The following TRPA1 variants were observed in gnomAD, a reference collection of about 807,000 sequenced individuals.
TRPA1 encodes ankyrin-like with transmembrane domains 1.
A neutral mutation model predicts 131.3 loss-of-function variants in TRPA1; 129 were observed. That is an observed-to-expected ratio of 0.98 (90% CI 0.85 to 1.14). The LOEUF (loss-of-function observed/expected upper bound fraction) is 1.14, where lower values mean the gene tolerates loss of function less well. Ranked by LOEUF, TRPA1 falls within the 50% of genes most tolerant of loss-of-function variation. The pLI is 0.00. For synonymous variants in TRPA1, 441 were observed against 451.7 expected (o/e 0.98, Z 0.30); for missense variants, 1,304 against 1,354.2 (o/e 0.96, Z 0.58).
intron 4 of TRPA1, among the ~76,000 whole-genome samples, chr8:72,064,350 T>G (rs2129436283): frequency 6.6e-6 from 1 of 151,656 alleles, no homozygotes; most frequent in East Asian, 1.9e-4. Flanking sequence ...GTAAAAGCTT[T>G]TTTGAACAAT....
In TRPA1 at chr8:72,057,674, T is replaced by C. The variant is rs368265836; in HGVS notation, c.1093+43A>G. ...CACAGTGAATGTTCATCCAACCAAA[T>C]TGAGTGGCACTTCAAAAGACTTGGC... is the stretch of plus-strand genomic sequence containing the variant. On this transcript the variant is annotated intron_variant, in intron 9 of 26. Coordinates refer to ENST00000262209, the MANE Select transcript of TRPA1 (RefSeq NM_007332.3). The C allele has an allele frequency of 3.9e-5, 57 of 1,450,634 alleles. 1 individual carries two copies. Among genetic ancestry groups the C allele is most frequent in the South Asian group, 6.9e-5 (6 of 87,586 alleles). 89.9% of individuals were successfully genotyped at this position (1,450,634 alleles called of 1,614,324 possible). A position where few individuals can be genotyped will look rare whatever the true frequency, so the allele number is the denominator to read the frequency against.
At chr8:72,053,410 A>G (rs1489518731) in intron 13 of TRPA1, 5 of 353,104 alleles carry the variant, frequency 1.4e-5, no homozygotes, top group African/African-American at 8.4e-5. Context: ...TTTCAAATCA[A>G]TACACTTCAA....
intron 1 of TRPA1, among the ~76,000 whole-genome samples, chr8:72,073,684 G>T (rs532468153): frequency 1.2e-4 from 19 of 152,298 alleles, no homozygotes; most frequent in Admixed American, 8.5e-4. Context: ...TTAGAAACAC[G>T]AAGACAAATA....
At chr8:72,063,597 T>C in intron 4 of TRPA1, 26 bp from the exon 5 acceptor site, 5 of 1,548,314 alleles carry the variant, frequency 3.2e-6, no homozygotes, top group Non-Finnish European at 4.5e-6. Context: ...AAATGAAAAA[T>C]GACACCAGTT....
rs1455250855 is a variant in TRPA1, at chr8:72,026,074, C to G, written c.2938-1G>C. 6.2e-7 allele frequency: 1 copy of G among 1,612,266 alleles called. No individual in the cohort carries two copies. The highest frequency in any genetic ancestry group is 1.3e-5 in the African/African-American group (1 of 74,878). On this transcript the variant is annotated splice_acceptor_variant, in intron 24 of 26. Coordinates refer to ENST00000262209, the MANE Select transcript of TRPA1 (RefSeq NM_007332.3). LOFTEE classifies it high-confidence loss of function. ...TCTCTAAGCTGGTATGAAGTTCCAC[C>G]TAAAGTGCATTTTGGATTTATTGAT...
the TRPA1 span, among the ~76,000 whole-genome samples, chr8:72,088,641 G>A: frequency 2.6e-5 from 4 of 152,108 alleles, no homozygotes; most frequent in Admixed American, 6.6e-5. Context: ...TGTGTCTTTA[G>A]TTTGGTGACA....
the TRPA1 span, among the ~76,000 whole-genome samples, chr8:72,081,705 T>A: frequency 6.6e-6 from 1 of 151,848 alleles, no homozygotes; most frequent in Non-Finnish European, 1.5e-5. Context: ...ATAATTATTG[T>A]CTTCCCACTA....
At chr8:72,062,983 A>G in intron 5 of TRPA1, 39 bp from the exon 6 acceptor site, 1 of 1,571,524 alleles carries the variant, frequency 6.4e-7, no homozygotes, top group Non-Finnish European at 8.7e-7. Flanking sequence ...CAAATATATA[A>G]AATAAATAAT....
chr8:72,061,313 A>G (rs1805802529), intron 7 of TRPA1, among the ~76,000 whole-genome samples: 1 of 152,200 alleles, frequency 6.6e-6, no homozygotes, highest in Non-Finnish European at 1.5e-5. Flanking sequence ...GGAACAGATT[A>G]GAAATGGCTT....
chr8:72,061,598 A>G, intron 7 of TRPA1, 27 bp downstream of exon 7: 1 of 1,613,568 alleles, frequency 6.2e-7, no homozygotes, highest in Non-Finnish European at 8.5e-7. Flanking sequence ...AAAAATCTGT[A>G]TACAGAATGA....
At chr8:72,055,316 T>A in intron 12 of TRPA1, 120 bp downstream of exon 12, 2 of 804,704 alleles carry the variant, frequency 2.5e-6, no homozygotes, top group South Asian at 3.4e-5. Context: ...AAAAATAAAT[T>A]GGATAAAAGT....
At position 72,029,938 on chromosome 8, in the gene TRPA1, A is replaced by C. The variant is rs1192557144; in HGVS notation, c.2900T>G (p.Val967Gly). ...IGLAVGDIAE[V>G]QKHASLKRIA... ...CCTCTTCAATGATGCATGTTTCTGG[A>C]CCTCAGCAATGTCGCCAACTGCCAA... Residue 967 changes from valine to glycine, a missense_variant, in exon 24 of 27, where the codon GTC becomes GGC. Coordinates refer to ENST00000262209, the MANE Select transcript of TRPA1 (RefSeq NM_007332.3). The C allele has an allele frequency of 5.6e-6, 9 of 1,613,922 alleles. No homozygotes were observed. Among genetic ancestry groups the C allele is most frequent in the Non-Finnish European group, 7.6e-6 (9 of 1,179,852 alleles).
rs202111122 is a variant in TRPA1, at chr8:72,033,845, G to A, written c.2686-19C>T. ...AGGGATCCTGAAAGCAGACGGTGAG[G>A]TACAAATGAAATGCAAAGTTTCTAC... On this transcript the variant is annotated intron_variant, in intron 22 of 26. Transcript: ENST00000262209. The A allele has an allele frequency of 6.2e-4, 1,001 of 1,611,414 alleles. 1 individual carries two copies. The highest frequency in any genetic ancestry group is 8.2e-4 in the Non-Finnish European group (964 of 1,177,928).
chr8:72,022,818 C>G lies in TRPA1; in HGVS notation c.*88G>C. 8.1e-7 allele frequency: 1 copy of G among 1,240,646 alleles called. No homozygotes were observed. Among genetic ancestry groups the G allele is most frequent in the South Asian group, 1.2e-5 (1 of 81,736 alleles). 76.9% of individuals were successfully genotyped at this position (1,240,646 alleles called of 1,614,324 possible). On this transcript the variant is annotated 3_prime_UTR_variant, in exon 27 of 27. Transcript: ENST00000262209. ...TTCACACGCAGCAAAATGAATCATT[C>G]TGCTTCTTCCTCACTCTTTTTAAAT...
At position 72,046,625 on chromosome 8, in the gene TRPA1, T is replaced by C; in HGVS notation, c.1966-17A>G. Reference sequence around the variant, plus strand: ...ATACTCGATCTGTAGAAGACAGAATTTTTTTTAAAAAAATGTACAGTTAGT... The same window carrying C: ...ATACTCGATCTGTAGAAGACAGAATCTTTTTTAAAAAAATGTACAGTTAGT... On this transcript the variant is annotated splice_polypyrimidine_tract_variant and intron_variant, in intron 16 of 26. Transcript: ENST00000262209. 7.0e-7 allele frequency: 1 copy of C among 1,429,404 alleles called. No individual in the cohort carries two copies. Among genetic ancestry groups the C allele is most frequent in the South Asian group, 1.2e-5 (1 of 83,032 alleles). The allele number at this position is 1,429,404 out of a possible 1,614,324, so 88.5% of individuals were successfully genotyped here.
intron 17 of TRPA1, among the ~76,000 whole-genome samples, chr8:72,041,971 A>G (rs528881140): frequency 6.1e-4 from 93 of 151,938 alleles, no homozygotes; most frequent in African/African-American, 2.1e-3. Context: ...TTTACTGACT[A>G]ATTAAGGAAA....
intron 7 of TRPA1, 65 bp downstream of exon 7, chr8:72,061,560 G>A: frequency 1.9e-6 from 3 of 1,592,720 alleles, no homozygotes; most frequent in Non-Finnish European, 2.6e-6. Context: ...ACTGCTCCTT[G>A]CAATGTCTAA....
intron 25 of TRPA1, 25 bp from the exon 26 acceptor site, chr8:72,023,936 C>T (rs371565970): frequency 3.1e-5 from 46 of 1,464,178 alleles, no homozygotes; most frequent in Non-Finnish European, 4.0e-5. Flanking sequence ...ATAGTAGTTA[C>T]TCAAATTGAA....
rs1811437530 is a variant in TRPA1, at chr8:72,022,708, T to C, written c.*198A>G. 1 of 638,514 alleles carries C rather than the reference T, an allele frequency of 1.6e-6. No homozygotes were observed. Among genetic ancestry groups the C allele is most frequent in the Admixed American group, 2.4e-5 (1 of 41,642 alleles). The allele number at this position is 638,514 out of a possible 1,614,324, so 39.6% of individuals were successfully genotyped here. A position where few individuals can be genotyped will look rare whatever the true frequency, so the allele number is the denominator to read the frequency against. On this transcript the variant is annotated 3_prime_UTR_variant, in exon 27 of 27. Coordinates refer to ENST00000262209, the MANE Select transcript of TRPA1 (RefSeq NM_007332.3). Reference sequence around the variant, plus strand: ...TCCAATTTGAACATATCTGCAAAGATATCCCCAATACATAGTGATTGGTAG... The same window carrying C: ...TCCAATTTGAACATATCTGCAAAGACATCCCCAATACATAGTGATTGGTAG...
Sources: gnomAD v4.1 joint callset for allele counts (sites outside exome capture counted in the v4.1 genomes callset) on GRCh38, gnomAD v4.1.1 for gene constraint, MANE v1.5 for transcripts, NCBI Gene and HGNC (gene_info 2026-07-23, HGNC 2026-07-21) for gene names.